The following MSANTD3 variants were observed in gnomAD, a reference collection of about 807,000 sequenced individuals.
MSANTD3 encodes Myb/SANT DNA binding domain containing 3.
Under a neutral mutation model 27.7 loss-of-function variants are expected in MSANTD3, and 11 were observed. The observed-to-expected ratio is 0.40, with a 90% confidence interval of 0.25 to 0.66. The LOEUF (loss-of-function observed/expected upper bound fraction) is 0.66, where lower values mean the gene tolerates loss of function less well. MSANTD3 is among the 30% of genes least tolerant of loss of function. MSANTD3 has a pLI of 0.41. For missense variants in MSANTD3, 250 were observed against 336.5 expected, an observed-to-expected ratio of 0.74 and a Z score of 2.01; for synonymous variants, 131 against 127.2, an observed-to-expected ratio of 1.03 and a Z score of -0.20.
chr9:100,440,779 CCTTTTTT>C (rs1836598785), intron 1 of MSANTD3, among the ~76,000 whole-genome samples: 1 of 125,642 alleles, frequency 8.0e-6, no homozygotes, highest in Non-Finnish European at 1.7e-5. Context: ...CTTTTTCTTC[CCTTTTTT>C]TTTTTTTTTT....
chr9:100,436,376 C>T (rs1836477721), intron 1 of MSANTD3, among the ~76,000 whole-genome samples: 2 of 152,144 alleles, frequency 1.3e-5, no homozygotes, highest in Admixed American at 6.6e-5. Context: ...CTGTTTTATG[C>T]CTATATCAAA....
intron 2 of MSANTD3, among the ~76,000 whole-genome samples, chr9:100,446,962 C>G (rs1027218035): frequency 3.3e-5 from 5 of 152,048 alleles, no homozygotes; most frequent in Non-Finnish European, 7.4e-5. Flanking sequence ...TTTCCTGTAT[C>G]TGGGGTTTGG....
rs761080426 is a variant in MSANTD3, at chr9:100,450,946, C to T, written c.808C>T (p.Pro270Ser). The T allele has an allele frequency of 6.3e-6, 10 of 1,593,804 alleles. No homozygotes were observed. The highest frequency in any genetic ancestry group is 5.3e-5 in the Admixed American group (3 of 56,468). Residue 270 changes from proline (P) to serine (S), a missense_variant, in exon 3 of 3, where the codon CCC becomes TCC. By Grantham distance (74) the Pro-to-Ser change is moderately conservative. Coordinates refer to ENST00000395067, the MANE Select transcript of MSANTD3 (RefSeq NM_080655.3). Reference sequence around the variant, plus strand: ...ATGGCCTGTTTCCTCATTTAACCGGCCCTTTCCCAATTCGCCCTAAGACTT... The same window carrying T: ...ATGGCCTGTTTCCTCATTTAACCGGTCCTTTCCCAATTCGCCCTAAGACTT... Reference protein sequence around the residue: ...KEWPVSSFNRPFPNSP With the variant: ...KEWPVSSFNRSFPNSP
chr9:100,430,722 C>T (rs543034502), intron 1 of MSANTD3, among the ~76,000 whole-genome samples: 1 of 152,212 alleles, frequency 6.6e-6, no homozygotes, highest in Non-Finnish European at 1.5e-5. Context: ...TAAAATGTAC[C>T]ATAGGTCTTG....
intron 1 of MSANTD3, chr9:100,429,535 C>T (rs570785951): frequency 5.3e-5 from 8 of 152,070 alleles, no homozygotes; most frequent in East Asian, 1.9e-4. Context: ...GGGAGATGGA[C>T]GCAAAGAGCA....
chr9:100,442,311 C>A lies in MSANTD3; in HGVS notation c.373C>A (p.Pro125Thr). The change falls in exon 2 of 3, where the codon CCC becomes ACC. Residue 125 changes from proline to threonine, a missense_variant. By Grantham distance (38) the Pro-to-Thr change is conservative. Transcript: ENST00000395067. ...GGAGCAGCTCTACTTCCTGCAGAGC[C>A]CCCCGGAGGAGGAGCCCGAATACCA... ...LPEQLYFLQS[P>T]PEEEPEYHPD... The A allele has an allele frequency of 6.2e-7, 1 of 1,613,916 alleles. No individual in the cohort carries two copies. The highest frequency in any genetic ancestry group is 8.5e-7 in the Non-Finnish European group (1 of 1,179,994).
In MSANTD3 at chr9:100,450,560, C is replaced by G; in HGVS notation, c.422C>G (p.Ser141Ter). The G allele has an allele frequency of 6.6e-7, 1 of 1,523,464 alleles. No homozygotes were observed. The highest frequency in any genetic ancestry group is 8.8e-7 in the Non-Finnish European group (1 of 1,140,012). 94.4% of individuals were successfully genotyped at this position (1,523,464 alleles called of 1,614,324 possible). The part of the protein sequence containing the change: ...EYHPDASAQE[S>*]FAVSNRELCD... ...GTTTTCTGCTACTGTTTTTCAGAATCATTTGCTGTTTCAAATAGAGAACTG... is the reference window on the plus strand; with the variant it reads ...GTTTTCTGCTACTGTTTTTCAGAATGATTTGCTGTTTCAAATAGAGAACTG... The change falls in exon 3 of 3, where the codon TCA becomes TGA. Residue 141 changes from serine to a stop codon, truncating the protein, a stop_gained. Transcript: ENST00000395067. LOFTEE classifies it high-confidence loss of function.
chr9:100,448,642 G>A (rs1836814358), intron 2 of MSANTD3: 1 of 985,390 alleles, frequency 1.0e-6, no homozygotes, highest in East Asian at 1.1e-4. Context: ...ATGAGGATGA[G>A]CAGAAGCAAT....
intron 1 of MSANTD3, among the ~76,000 whole-genome samples, chr9:100,428,172 C>T (rs1057373152): frequency 1.3e-5 from 2 of 152,130 alleles, no homozygotes; most frequent in African/African-American, 4.8e-5. Context: ...TTTAGTCTCC[C>T]TATTCCGATT....
rs755959697 is a variant in MSANTD3, at chr9:100,442,055, G to A, written c.117G>A (p.Ala39=). ...TGCTGGAATGTAAGAAAAGTGATGC[G>A]CGAACTATTGCCCTTAAGCAGCGTA... ...KYVLECKKSD[A]RTIALKQRTW... Residue 39 remains alanine, a synonymous_variant, in exon 2 of 3, where the codon GCG becomes GCA. Coordinates refer to ENST00000395067, the MANE Select transcript of MSANTD3 (RefSeq NM_080655.3). The A allele has an allele frequency of 5.0e-6, 8 of 1,614,194 alleles. No individual in the cohort carries two copies. Among genetic ancestry groups the A allele is most frequent in the Non-Finnish European group, 6.8e-6 (8 of 1,180,038 alleles).
rs559542092 is a variant in MSANTD3, at chr9:100,449,235, C to T, written c.419-1322C>T. The T allele has an allele frequency of 5.5e-5, 54 of 985,326 alleles. No individual in the cohort carries two copies. The South Asian group carries it at 2.1e-3, about 39-fold the overall frequency. 61.0% of individuals were successfully genotyped at this position (985,326 alleles called of 1,614,324 possible). A position where few individuals can be genotyped will look rare whatever the true frequency, so the allele number is the denominator to read the frequency against. ...CCTAATTGACACTGATGTTACTGCT[C>T]TAATAAAAAAAGCAGGGCAAACATA... On this transcript the variant is annotated intron_variant, in intron 2 of 2. Coordinates refer to ENST00000395067, the MANE Select transcript of MSANTD3 (RefSeq NM_080655.3).
At chr9:100,445,274 A>G in intron 2 of MSANTD3, 7 of 1,157,988 alleles carry the variant, frequency 6.0e-6, no homozygotes, top group South Asian at 1.2e-5. Context: ...CCCTCATTAC[A>G]TCTTGTGTAT....
In MSANTD3 at chr9:100,441,944, AAAC is replaced by A; in HGVS notation, c.10_12del (p.Asn4del). 1 of 1,604,610 alleles carries A rather than the reference AAAC, an allele frequency of 6.2e-7. No individual in the cohort carries two copies. Among genetic ancestry groups the A allele is most frequent in the Non-Finnish European group, 8.5e-7 (1 of 1,174,050 alleles). ...CAGGAGAAATACAGTGGAAAATGCAAAACAACGAAATTATAAAGCCTGCCAAAT... is the reference window on the plus strand; with the variant it reads ...CAGGAGAAATACAGTGGAAAATGCAAAACGAAATTATAAAGCCTGCCAAAT... On this transcript the variant is annotated inframe_deletion, in exon 2 of 3. Coordinates refer to ENST00000395067, the MANE Select transcript of MSANTD3 (RefSeq NM_080655.3).
intron 2 of MSANTD3, among the ~76,000 whole-genome samples, chr9:100,447,521 G>A (rs1042313259): frequency 5.3e-5 from 8 of 152,124 alleles, no homozygotes; most frequent in South Asian, 2.1e-4. Flanking sequence ...CAGGATACAC[G>A]CCCATATTCT....
At chr9:100,444,690 G>T (rs1317061394) in intron 2 of MSANTD3, 2 of 154,690 alleles carry the variant, frequency 1.3e-5, no homozygotes, top group East Asian at 1.9e-4. Flanking sequence ...AATACATAGG[G>T]TTATTCTTAG....
intron 1 of MSANTD3, among the ~76,000 whole-genome samples, chr9:100,440,687 C>G (rs571966985): frequency 6.7e-6 from 1 of 149,156 alleles, no homozygotes; most frequent in Non-Finnish European, 1.5e-5. Flanking sequence ...ACCTCCTGGG[C>G]TCAAGCAGTC....
At chr9:100,431,411 T>G (rs542940834) in intron 1 of MSANTD3, among the ~76,000 whole-genome samples, 123 of 151,874 alleles carry the variant, frequency 8.1e-4, no homozygotes, top group African/African-American at 2.7e-3. Context: ...GCTCAGGTGG[T>G]CCTCCCACTT....
At chr9:100,449,053 G>A (rs1157085041) in intron 2 of MSANTD3, 40 of 985,110 alleles carry the variant, frequency 4.1e-5, no homozygotes, top group South Asian at 4.7e-5. Context: ...CGGAGTGGAC[G>A]TAATAATGTA....
At chr9:100,434,671 TAAAG>T in intron 1 of MSANTD3, among the ~76,000 whole-genome samples, 1 of 152,302 alleles carries the variant, frequency 6.6e-6, no homozygotes, top group Middle Eastern at 3.4e-3. Context: ...TATACATTCT[TAAAG>T]ATCTAGCTCA....
Sources: gnomAD v4.1 joint callset for allele counts (sites outside exome capture counted in the v4.1 genomes callset) on GRCh38, gnomAD v4.1.1 for gene constraint, MANE v1.5 for transcripts, NCBI Gene and HGNC (gene_info 2026-07-23, HGNC 2026-07-21) for gene names.